The following TRIM44 variants were observed in gnomAD, a reference collection of about 807,000 sequenced individuals.
TRIM44 encodes the protein tripartite motif containing 44, also known as tripartite motif-containing protein 44.
Under a neutral mutation model 37.4 loss-of-function variants are expected in TRIM44, and 13 were observed. That is an observed-to-expected ratio of 0.35 (90% CI 0.23 to 0.55). The LOEUF (loss-of-function observed/expected upper bound fraction) is 0.55. Among genes scored for constraint, TRIM44 ranks in the 20% least tolerant of loss-of-function variants. The pLI is 0.89. For missense variants in TRIM44, 426 were observed against 437.2 expected (o/e 0.97, Z 0.23); for synonymous variants, 175 against 157.2 (o/e 1.11, Z -0.85).
At position 35,662,849 on chromosome 11, in the gene TRIM44, G is replaced by C. The variant is rs980106785; in HGVS notation, c.-263G>C. On this transcript the variant is annotated 5_prime_UTR_variant, in exon 1 of 5. Transcript: ENST00000299413. ...CGACGCGGGGGCCGACGGGGGCGCCGGGTGGCCGCGCCGGAAGTGCCTTGC... is the reference window on the plus strand; with the variant it reads ...CGACGCGGGGGCCGACGGGGGCGCCCGGTGGCCGCGCCGGAAGTGCCTTGC... 1.6e-5 allele frequency: 6 copies of C among 377,956 alleles called. No individual in the cohort carries two copies. Among genetic ancestry groups the C allele is most frequent in the Admixed American group, 1.5e-4 (3 of 19,418 alleles). The allele number at this position is 377,956 out of a possible 1,614,324, so 23.4% of individuals were successfully genotyped here.
In TRIM44 at chr11:35,807,779, G is replaced by A. The variant is rs1197937889; in HGVS notation, c.*1394G>A. 1 of 152,144 alleles carries A rather than the reference G, an allele frequency of 6.6e-6. No homozygotes were observed. The highest frequency in any genetic ancestry group is 2.4e-5 in the African/African-American group (1 of 41,434). 9.4% of individuals were successfully genotyped at this position (152,144 alleles called of 1,614,324 possible). A position where few individuals can be genotyped will look rare whatever the true frequency, so the allele number is the denominator to read the frequency against. On this transcript the variant is annotated 3_prime_UTR_variant, in exon 5 of 5. Coordinates refer to ENST00000299413, the MANE Select transcript of TRIM44 (RefSeq NM_017583.6). ...ATTCTTATTTGCAAGTGGGTTATGTGTTCACTCTCCTCTACCTTTATGGTA... is the reference window on the plus strand; with the variant it reads ...ATTCTTATTTGCAAGTGGGTTATGTATTCACTCTCCTCTACCTTTATGGTA...
intron 3 of TRIM44, 119 bp downstream of exon 3, chr11:35,726,282 G>A (rs1286076717): frequency 2.6e-5 from 34 of 1,326,308 alleles, no homozygotes; most frequent in Non-Finnish European, 3.3e-5. Flanking sequence ...TAGAGTATAA[G>A]TGTTTCACAT....
At chr11:35,720,383 A>G (rs898543386) in intron 2 of TRIM44, among the ~76,000 whole-genome samples, 3 of 147,520 alleles carry the variant, frequency 2.0e-5, no homozygotes, top group Admixed American at 6.7e-5. Flanking sequence ...CTTCTATCCT[A>G]TAGTCTTGCT....
intron 4 of TRIM44, among the ~76,000 whole-genome samples, chr11:35,795,856 A>G (rs1035136945): frequency 1.3e-5 from 2 of 152,204 alleles, no homozygotes; most frequent in Admixed American, 6.5e-5. Flanking sequence ...GATGTTATTA[A>G]ATAACTATAA....
intron 1 of TRIM44, among the ~76,000 whole-genome samples, chr11:35,665,587 T>G (rs1314940411): frequency 1.3e-4 from 2 of 15,322 alleles, no homozygotes; most frequent in South Asian, 3.6e-3. Context: ...TATATATCTG[T>G]TTTTTTTTTT....
intron 4 of TRIM44, among the ~76,000 whole-genome samples, chr11:35,737,240 T>G (rs1852337939): frequency 6.6e-6 from 1 of 152,212 alleles, no homozygotes; most frequent in Non-Finnish European, 1.5e-5. Flanking sequence ...ATTTAGGGCC[T>G]TATAGACCTT....
intron 2 of TRIM44, among the ~76,000 whole-genome samples, chr11:35,713,829 C>T (rs1158477315): frequency 6.6e-6 from 1 of 152,068 alleles, no homozygotes; most frequent in Admixed American, 6.6e-5. Flanking sequence ...GAGCCAACTA[C>T]GCCCATAGAC....
chr11:35,783,936 C>T (rs1853096455), intron 4 of TRIM44, among the ~76,000 whole-genome samples: 1 of 152,172 alleles, frequency 6.6e-6, no homozygotes, highest in Non-Finnish European at 1.5e-5. Context: ...TATATACAGC[C>T]AGCAAAGGTT....
intron 4 of TRIM44, among the ~76,000 whole-genome samples, chr11:35,770,821 G>A (rs1198843444): frequency 6.6e-6 from 1 of 152,070 alleles, no homozygotes; most frequent in East Asian, 1.9e-4. Context: ...TACTGTTCTT[G>A]TGGTAGCGAA....
Position 35,662,940 on chromosome 11 carries a change from C to T in TRIM44, c.-172C>T. The T allele has an allele frequency of 8.6e-7, 1 of 1,161,154 alleles. No homozygotes were observed. The highest frequency in any genetic ancestry group is 2.3e-5 in the South Asian group (1 of 44,050). The allele number at this position is 1,161,154 out of a possible 1,614,324, so 71.9% of individuals were successfully genotyped here. On this transcript the variant is annotated 5_prime_UTR_variant, in exon 1 of 5. Coordinates refer to ENST00000299413, the MANE Select transcript of TRIM44 (RefSeq NM_017583.6). ...CCGGCGGAAAGGGTCTTTGCTGCTG[C>T]GCCCGGGCAGGGGCTGCCGCGGCCC...
At chr11:35,700,822 C>A (rs1851778437) in intron 2 of TRIM44, among the ~76,000 whole-genome samples, 1 of 152,072 alleles carries the variant, frequency 6.6e-6, no homozygotes, top group South Asian at 2.1e-4. Flanking sequence ...TTTTTAAAAG[C>A]AGTTTTAATT....
At chr11:35,703,722 T>G (rs908320592) in intron 2 of TRIM44, among the ~76,000 whole-genome samples, 1 of 152,014 alleles carries the variant, frequency 6.6e-6, no homozygotes, top group Admixed American at 6.5e-5. Context: ...GAAGGAAAAC[T>G]AACAAACAGA....
chr11:35,741,845 A>AT (rs1224442341), intron 4 of TRIM44, among the ~76,000 whole-genome samples: 2 of 152,252 alleles, frequency 1.3e-5, no homozygotes, highest in East Asian at 3.8e-4. Flanking sequence ...GGATATGGAT[A>AT]TAACTAAGAC....
intron 4 of TRIM44, among the ~76,000 whole-genome samples, chr11:35,754,262 C>T (rs929686979): frequency 2.0e-5 from 3 of 152,092 alleles, no homozygotes; most frequent in African/African-American, 7.2e-5. Flanking sequence ...GCGAAATCCT[C>T]ACATGAGTAA....
rs557906122 is a variant in TRIM44, at chr11:35,668,152, T to C, written c.669+4372T>C. On this transcript the variant is annotated intron_variant, in intron 1 of 4. Coordinates refer to ENST00000299413, the MANE Select transcript of TRIM44 (RefSeq NM_017583.6). ...TTGGTTTATTGTTGGTGCTTTCTTT[T>C]GTTTTGTTTTTTGGTTTTACATTTT... Among the ~76,000 whole-genome samples the C allele has an allele frequency of 7.2e-5, 11 of 152,310 alleles. No individual in the cohort carries two copies. In the South Asian group the frequency reaches 8.3e-4, roughly 11 times the overall value.
chr11:35,785,064 C>T (rs1192099812), intron 4 of TRIM44, among the ~76,000 whole-genome samples: 1 of 152,180 alleles, frequency 6.6e-6, no homozygotes, highest in Admixed American at 6.5e-5. Flanking sequence ...GCTACAAATA[C>T]TTGTCCTGTA....
intron 2 of TRIM44, among the ~76,000 whole-genome samples, chr11:35,715,402 GTA>G (rs919537005): frequency 4.1e-5 from 6 of 144,804 alleles, no homozygotes; most frequent in African/African-American, 1.1e-4. Context: ...TTCTCTCTGT[GTA>G]TGTGTGTGTG....
intron 2 of TRIM44, among the ~76,000 whole-genome samples, chr11:35,693,543 C>T (rs990989145): frequency 6.6e-6 from 1 of 152,126 alleles, no homozygotes; most frequent in Non-Finnish European, 1.5e-5. Context: ...TCTTTAAAGT[C>T]TTAGTTTGAT....
chr11:35,690,136 T>G (rs757595404), intron 2 of TRIM44, among the ~76,000 whole-genome samples: 2 of 151,558 alleles, frequency 1.3e-5, no homozygotes, highest in Admixed American at 6.6e-5. Context: ...GAAACAGCAG[T>G]TTTTTTTTCC....
Sources: allele counts gnomAD v4.1 joint callset (sites outside exome capture counted in the v4.1 genomes callset), GRCh38; gene constraint gnomAD v4.1.1; transcripts MANE v1.5; gene names NCBI Gene and HGNC (gene_info 2026-07-23, HGNC 2026-07-21).